The following CNKSR1 variants were observed in gnomAD, a reference collection of about 807,000 sequenced individuals.
CNKSR1 encodes CNK homolog protein 1.
Under a neutral mutation model 95.6 loss-of-function variants are expected in CNKSR1, and 88 were observed. The observed-to-expected ratio is 0.92, with a 90% CI of 0.78 to 1.10. CNKSR1 has a LOEUF of 1.10. CNKSR1 is among the 50% of genes least tolerant of loss of function. CNKSR1 has a pLI of 0.00. For missense variants in CNKSR1, 836 were observed against 912.0 expected, an observed-to-expected ratio of 0.92 and a Z score of 1.07; for synonymous variants, 355 against 369.7, an observed-to-expected ratio of 0.96 and a Z score of 0.46.
intron 17 of CNKSR1, 49 bp from the exon 18 acceptor site, chr1:26,188,393 T>C (rs1217516291): frequency 6.2e-7 from 1 of 1,605,556 alleles, no homozygotes; most frequent in Admixed American, 1.7e-5. Flanking sequence ...TCAAATGCCC[T>C]AGGCCACTCC....
In CNKSR1 at chr1:26,184,093, C is replaced by T. The variant is rs770345109; in HGVS notation, c.878C>T (p.Ser293Phe). 11 of 1,611,762 alleles carry T rather than the reference C, an allele frequency of 6.8e-6. No individual in the cohort carries two copies. In the East Asian group the frequency reaches 2.2e-4, roughly 33 times the overall value. The stretch of plus-strand genomic sequence containing the variant: ...CAGACGCCCCCTCAGGTCCTGGACT[C>T]CCCGCACCAGAGGAGCCCATCACTG... ...PPQTPPQVLDSPHQRSPSLSL... is the reference protein window; with the variant it reads ...PPQTPPQVLDFPHQRSPSLSL... Residue 293 changes from serine (S) to phenylalanine (F), a missense_variant, in exon 10 of 21, where the codon TCC (serine) becomes TTC (phenylalanine). Physicochemically the swap from Ser to Phe is radical, Grantham distance 155. Transcript: ENST00000361530.
In CNKSR1 at chr1:26,184,128, C is replaced by A. The variant is rs759792555; in HGVS notation, c.913C>A (p.Pro305Thr). The part of the protein sequence containing the change: ...HQRSPSLSLA[P>T]LSPRAPSEDV... ...GAGGAGCCCATCACTGTCTCTGGCC[C>A]CACTGTCTCCCAGGTAACAGGCTCT... The change falls in exon 10 of 21, where the codon CCA (proline) becomes ACA (threonine). Residue 305 changes from proline to threonine, a missense_variant. Coordinates refer to ENST00000361530, the MANE Select transcript of CNKSR1 (RefSeq NM_006314.3). 3.7e-6 allele frequency: 6 copies of A among 1,612,592 alleles called. No individual in the cohort carries two copies. The highest frequency in any genetic ancestry group is 5.1e-6 in the Non-Finnish European group (6 of 1,179,672).
chr1:26,184,064 TC>T lies in CNKSR1; in HGVS notation c.856-3del. 5 of 1,607,222 alleles carry T rather than the reference TC, an allele frequency of 3.1e-6. No individual in the cohort carries two copies. Among genetic ancestry groups the T allele is most frequent in the Non-Finnish European group, 4.2e-6 (5 of 1,177,548 alleles). On this transcript the variant is annotated splice_polypyrimidine_tract_variant and splice_region_variant and intron_variant, in intron 9 of 20. Transcript: ENST00000361530. Reference sequence around the variant, plus strand: ...TCTCCATTGCTTTGTTCCTGGTTGTTCCCCAGACGCCCCCTCAGGTCCTGGA... The same window carrying T: ...TCTCCATTGCTTTGTTCCTGGTTGTTCCCAGACGCCCCCTCAGGTCCTGGA...
At position 26,187,236 on chromosome 1, in the gene CNKSR1, G is replaced by A. The variant is rs771342434; in HGVS notation, c.1377G>A (p.Lys459=). The A allele has an allele frequency of 1.2e-6, 2 of 1,613,568 alleles. No homozygotes were observed. The highest frequency in any genetic ancestry group is 1.7e-5 in the Admixed American group (1 of 60,016). ...TGGAAAGTGGACATGATCAGAAGAA[G>A]AAATAGTTAAGTCTTGGGGTGTGAT... ...YSLESGHDQK[K]KYVFQLTHDV... is the part of the protein sequence containing the mutation. Residue 459 remains lysine, a synonymous_variant, in exon 15 of 21, where the codon AAG becomes AAA. Transcript: ENST00000361530.
chr1:26,182,269 A>G, intron 4 of CNKSR1, 92 bp from the exon 5 acceptor site: 1 of 1,283,626 alleles, frequency 7.8e-7, no homozygotes, highest in African/African-American at 1.5e-5. Context: ...GCAGGGAGGG[A>G]CTGTACGGAA....
chr1:26,177,713 C>T (rs933732711), intron 1 of CNKSR1, 114 bp downstream of exon 1: 31 of 1,207,220 alleles, frequency 2.6e-5, no homozygotes, highest in Non-Finnish European at 3.4e-5. Context: ...CGCTGGTTCA[C>T]ACCTGTAATC....
chr1:26,180,665 TG>T (rs754978483), intron 2 of CNKSR1, 49 bp from the exon 3 acceptor site: 2 of 1,613,948 alleles, frequency 1.2e-6, no homozygotes, highest in Admixed American at 1.7e-5. Flanking sequence ...GGGGGTGTGA[TG>T]GGGGGCTGGC....
chr1:26,187,540 G>A (rs1411234071), intron 16 of CNKSR1, 58 bp downstream of exon 16: 3 of 1,559,654 alleles, frequency 1.9e-6, no homozygotes, highest in East Asian at 4.5e-5. Flanking sequence ...CTGTGAGCTT[G>A]GGAGCCTAGG....
intron 13 of CNKSR1, 100 bp downstream of exon 13, chr1:26,184,712 C>T (rs946558166): frequency 1.7e-5 from 24 of 1,377,940 alleles, no homozygotes; most frequent in Admixed American, 3.9e-5. Flanking sequence ...CCCACACAGC[C>T]TCTCCTGGAA....
chr1:26,185,059 T>C lies in CNKSR1; in HGVS notation c.1181T>C (p.Leu394Pro). ...LSRRRVSCRE[L>P]GRPDCDGWLL... ...CGCCGGCGGGTGTCATGCCGTGAGCTGGGCCGGCCGGACTGTGACGGCTGG... is the reference window on the plus strand; with the variant it reads ...CGCCGGCGGGTGTCATGCCGTGAGCCGGGCCGGCCGGACTGTGACGGCTGG... The change falls in exon 14 of 21, where the codon CTG (leucine) becomes CCG (proline). Residue 394 changes from leucine to proline, a missense_variant. Transcript: ENST00000361530. 2 of 1,604,930 alleles carry C rather than the reference T, an allele frequency of 1.2e-6. No homozygotes were observed. The highest frequency in any genetic ancestry group is 1.7e-6 in the Non-Finnish European group (2 of 1,178,442).
chr1:26,183,948 G>A (rs12733981), intron 9 of CNKSR1, 118 bp downstream of exon 9: 150,769 of 531,864 alleles, frequency 0.28, 23,544 homozygotes, highest in Non-Finnish European at 0.33. Context: ...CCCCTGCTGC[G>A]CCCCCCTAGC....
At chr1:26,183,870 C>T (rs1366577400) in intron 9 of CNKSR1, 40 bp downstream of exon 9, 3 of 550,634 alleles carry the variant, frequency 5.4e-6, no homozygotes, top group African/African-American at 2.9e-5. Context: ...CTTCAGACCC[C>T]CCCCTCCACA....
At position 26,182,555 on chromosome 1, in the gene CNKSR1, C is replaced by T; in HGVS notation, c.595C>T (p.Leu199Phe). 2 of 1,613,508 alleles carry T rather than the reference C, an allele frequency of 1.2e-6. No homozygotes were observed. Among genetic ancestry groups the T allele is most frequent in the Non-Finnish European group, 1.7e-6 (2 of 1,180,008 alleles). ...PKELLEQKAV[L>F]EQVQLDSPLG... ...GGAGCTGCTGGAACAGAAGGCCGTG[C>T]TCGAGCAGGTGCAGCTGGACAGTCC... The change falls in exon 6 of 21, where the codon CTC (leucine) becomes TTC (phenylalanine). Residue 199 changes from leucine (L) to phenylalanine (F), a missense_variant. Physicochemically the swap from Leu to Phe is conservative, Grantham distance 22 (BLOSUM62 0). Coordinates refer to ENST00000361530, the MANE Select transcript of CNKSR1 (RefSeq NM_006314.3).
intron 15 of CNKSR1, 26 bp downstream of exon 15, chr1:26,187,267 G>C (rs561775110): frequency 6.2e-7 from 1 of 1,603,202 alleles, no homozygotes; most frequent in South Asian, 1.1e-5. Context: ...GTGATGGGCT[G>C]GGGGATGGAG....
At chr1:26,187,620 CTTTTTTTTTTTT>C (rs35307485) in intron 16 of CNKSR1, 138 bp downstream of exon 16, 1 of 463,140 alleles carries the variant, frequency 2.2e-6, no homozygotes, top group Non-Finnish European at 3.8e-6. Flanking sequence ...TTCTCTTTCT[CTTTTTTTTTTTT>C]TTTTTTTTGA....
At position 26,188,922 on chromosome 1, in the gene CNKSR1, A is replaced by G. The variant is rs2088812027; in HGVS notation, c.1841A>G (p.His614Arg). Residue 614 changes from histidine (H) to arginine (R), a missense_variant, in exon 20 of 21, where the codon CAC becomes CGC. By Grantham distance (29) the His-to-Arg change is conservative. Coordinates refer to ENST00000361530, the MANE Select transcript of CNKSR1 (RefSeq NM_006314.3). ...NRDPQLNERV[H>R]RVRALQSTLK... ...GACCCTCAGCTCAATGAGCGAGTGC[A>G]CCGTGTGCGGGCGCTACAGAGCACA... 6.2e-7 allele frequency: 1 copy of G among 1,613,508 alleles called. No individual in the cohort carries two copies. Among genetic ancestry groups the G allele is most frequent in the Admixed American group, 1.7e-5 (1 of 59,986 alleles).
In CNKSR1 at chr1:26,188,647, C is replaced by T. The variant is rs142615178; in HGVS notation, c.1640C>T (p.Ala547Val). The change falls in exon 19 of 21, where the codon GCA (alanine) becomes GTA (valine). Residue 547 changes from alanine (A) to valine (V), a missense_variant. Ala to Val is a moderately conservative substitution (Grantham distance 64, BLOSUM62 0). Coordinates refer to ENST00000361530, the MANE Select transcript of CNKSR1 (RefSeq NM_006314.3). ...GSPLHGDTSP[A>V]ATPTQRSPRT... Reference sequence around the variant, plus strand: ...CCCCTCCATGGAGACACATCACCTGCAGCCACCCCCACACAGCGCAGCCCA... The same window carrying T: ...CCCCTCCATGGAGACACATCACCTGTAGCCACCCCCACACAGCGCAGCCCA... 6.2e-7 allele frequency: 1 copy of T among 1,613,784 alleles called. No homozygotes were observed. The highest frequency in any genetic ancestry group is 1.3e-5 in the African/African-American group (1 of 74,924).
At position 26,184,203 on chromosome 1, in the gene CNKSR1, GC is replaced by G; in HGVS notation, c.927-8del. On this transcript the variant is annotated splice_polypyrimidine_tract_variant and intron_variant, in intron 10 of 20. Transcript: ENST00000361530. ...ACCGTGGGCTCATCTCATCCCCCTT[GC>G]CCTCCCCAGGGCCCCATCTGAAGAC... The G allele has an allele frequency of 3.1e-6, 5 of 1,612,614 alleles. No homozygotes were observed. Among genetic ancestry groups the G allele is most frequent in the Middle Eastern group, 1.6e-4 (1 of 6,062 alleles).
intron 1 of CNKSR1, among the ~76,000 whole-genome samples, chr1:26,178,145 C>T (rs920320556): frequency 2.0e-5 from 3 of 152,172 alleles, no homozygotes; most frequent in Non-Finnish European, 4.4e-5. Flanking sequence ...CCCAAGAGGC[C>T]TCTAGGGTGA....
Sources: allele counts gnomAD v4.1 joint callset (sites outside exome capture counted in the v4.1 genomes callset), GRCh38; gene constraint gnomAD v4.1.1; transcripts MANE v1.5; gene names NCBI Gene and HGNC (gene_info 2026-07-23, HGNC 2026-07-21).